Variants in MAGI2 observed in about 807,000 individuals in gnomAD.
MAGI2 encodes membrane associated guanylate kinase, WW and PDZ domain containing 2.
Under a neutral mutation model 133.3 loss-of-function variants are expected in MAGI2, and 35 were observed. The observed-to-expected ratio is 0.26, with a 90% confidence interval of 0.20 to 0.35. The LOEUF (loss-of-function observed/expected upper bound fraction) is 0.35. Ranked by LOEUF, MAGI2 falls within the 10% of genes least tolerant of loss-of-function variation. The pLI is 1.00. For missense variants in MAGI2, 1,636 were observed against 1,863.4 expected, an observed-to-expected ratio of 0.88 and a Z score of 2.25; for synonymous variants, 729 against 710.6, an observed-to-expected ratio of 1.03 and a Z score of -0.41.
intron 1 of MAGI2, among the ~76,000 whole-genome samples, chr7:79,027,102 A>G (rs1176964845): frequency 2.6e-5 from 4 of 152,018 alleles, no homozygotes; most frequent in Admixed American, 2.6e-4. Context: ...TGTTGGCAGA[A>G]ATGTAAATTA....
At chr7:78,732,783 T>A (rs1821492842) in intron 2 of MAGI2, among the ~76,000 whole-genome samples, 1 of 115,864 alleles carries the variant, frequency 8.6e-6, no homozygotes, top group Non-Finnish European at 2.0e-5. Flanking sequence ...GTGATGTTTT[T>A]ATTTGTGGAT....
At chr7:78,048,416 G>C (rs924489677) in intron 21 of MAGI2, among the ~76,000 whole-genome samples, 1 of 152,118 alleles carries the variant, frequency 6.6e-6, no homozygotes, top group African/African-American at 2.4e-5. Flanking sequence ...GTGTCAGTTG[G>C]AGTCACTCTC....
At chr7:79,241,797 A>C (rs1832439037) in intron 1 of MAGI2, among the ~76,000 whole-genome samples, 2 of 152,176 alleles carry the variant, frequency 1.3e-5, no homozygotes, top group East Asian at 3.8e-4. Context: ...TGGTCTTTTG[A>C]GATGTGTTTC....
intron 14 of MAGI2, among the ~76,000 whole-genome samples, chr7:78,174,797 T>C (rs542150089): frequency 4.1e-4 from 62 of 152,298 alleles, no homozygotes; most frequent in Middle Eastern, 3.4e-3. Flanking sequence ...GATATCAGCC[T>C]GGCCTCTGAG....
chr7:79,253,701 T>TTTGGTA (rs1833488527), intron 1 of MAGI2, among the ~76,000 whole-genome samples: 1 of 152,076 alleles, frequency 6.6e-6, no homozygotes, highest in Non-Finnish European at 1.5e-5. Flanking sequence ...ATAGTAAAAA[T>TTTGGTA]GTCAAGTTTG....
intron 2 of MAGI2, among the ~76,000 whole-genome samples, chr7:78,841,271 A>G (rs1792121718): frequency 6.6e-6 from 1 of 152,058 alleles, no homozygotes; most frequent in South Asian, 2.1e-4. Context: ...TAAGTGTTAA[A>G]TTAATCCTTA....
chr7:78,307,109 G>A (rs1798302329), intron 9 of MAGI2, among the ~76,000 whole-genome samples: 2 of 152,112 alleles, frequency 1.3e-5, no homozygotes, highest in African/African-American at 4.8e-5. Context: ...GAAAAGAAGA[G>A]AGCATTGACA....
At chr7:78,077,602 T>TAGATGCTGGTAACAACGCA (rs773180706) in intron 21 of MAGI2, among the ~76,000 whole-genome samples, 1 of 151,384 alleles carries the variant, frequency 6.6e-6, no homozygotes, top group South Asian at 2.1e-4. Context: ...ATTTAAGGTC[T>TAGATGCTGGTAACAACGCA]TTGAGTTTAG....
chr7:79,154,142 T>A (rs1823536932), intron 1 of MAGI2, among the ~76,000 whole-genome samples: 1 of 152,182 alleles, frequency 6.6e-6, no homozygotes, highest in Non-Finnish European at 1.5e-5. Context: ...AATGTTTCTT[T>A]GGCTATCTTT....
Position 78,343,980 on chromosome 7 carries a change from T to A in MAGI2, c.1226-20A>T. On this transcript the variant is annotated intron_variant, in intron 8 of 21. Transcript: ENST00000354212. ...GTTTTTCTACATTGGCCAATATAAG[T>A]TAAAAAAGAAAAAGGCATGTTCAAG... 6.3e-7 allele frequency: 1 copy of A among 1,594,784 alleles called. No individual in the cohort carries two copies. Among genetic ancestry groups the A allele is most frequent in the African/African-American group, 1.4e-5 (1 of 73,402 alleles).
Position 78,217,346 on chromosome 7 carries a change from G to A in MAGI2, c.2048-16153C>T, listed in dbSNP as rs11531581. Among the ~76,000 whole-genome samples the A allele has an allele frequency of 6.1e-3, 926 of 152,212 alleles. 26 individuals are homozygous for A. The highest frequency in any genetic ancestry group is 0.054 in the East Asian group (279 of 5,184). ...AATTTCCTGAGGGCAGGGATCTTACGTGTATGTATTCATTCTCCAGTTCCT... is the reference window on the plus strand; with the variant it reads ...AATTTCCTGAGGGCAGGGATCTTACATGTATGTATTCATTCTCCAGTTCCT... On this transcript the variant is annotated intron_variant, in intron 10 of 21. Coordinates refer to ENST00000354212, the MANE Select transcript of MAGI2 (RefSeq NM_012301.4).
At chr7:78,526,126 G>A (rs1033117375) in intron 3 of MAGI2, among the ~76,000 whole-genome samples, 13 of 152,122 alleles carry the variant, frequency 8.5e-5, no homozygotes, top group South Asian at 2.1e-4. Context: ...ATATCTCTTT[G>A]ACTTAAGAAC....
chr7:78,941,866 A>G (rs1363813859), intron 2 of MAGI2, among the ~76,000 whole-genome samples: 5 of 151,792 alleles, frequency 3.3e-5, no homozygotes, highest in Non-Finnish European at 7.4e-5. Context: ...TCAATGGTCA[A>G]ATTGTCACCT....
chr7:78,726,318 T>C (rs997776531), intron 2 of MAGI2, among the ~76,000 whole-genome samples: 18 of 152,328 alleles, frequency 1.2e-4, no homozygotes, highest in African/African-American at 4.3e-4. Context: ...AGGTTTGGAA[T>C]AGCTTCAAGA....
At chr7:78,522,100 T>C (rs1796557032) in intron 3 of MAGI2, among the ~76,000 whole-genome samples, 1 of 152,158 alleles carries the variant, frequency 6.6e-6, no homozygotes, top group Non-Finnish European at 1.5e-5. Context: ...TTCAAAGGAT[T>C]ATGGCTATTG....
intron 3 of MAGI2, among the ~76,000 whole-genome samples, chr7:78,526,683 A>G (rs912877289): frequency 3.3e-5 from 5 of 152,170 alleles, no homozygotes; most frequent in African/African-American, 1.2e-4. Flanking sequence ...GGCTATGAAA[A>G]TGTGGAACAG....
At chr7:79,031,623 T>C (rs1163076573) in intron 1 of MAGI2, among the ~76,000 whole-genome samples, 2 of 152,320 alleles carry the variant, frequency 1.3e-5, no homozygotes, top group Admixed American at 6.5e-5. Context: ...CAATGACTAA[T>C]TGTTGATATT....
At chr7:79,022,546 T>C (rs747588294) in intron 1 of MAGI2, among the ~76,000 whole-genome samples, 3 of 150,474 alleles carry the variant, frequency 2.0e-5, no homozygotes, top group Middle Eastern at 3.5e-3. Flanking sequence ...ATGAAGGCAA[T>C]TGAGACACAA....
At chr7:78,462,501 T>C (rs888092196) in intron 6 of MAGI2, among the ~76,000 whole-genome samples, 2 of 152,216 alleles carry the variant, frequency 1.3e-5, no homozygotes, top group Non-Finnish European at 2.9e-5. Context: ...CATTTTAATA[T>C]TGAAAATCTA....
Sources: allele counts gnomAD v4.1 joint callset (sites outside exome capture counted in the v4.1 genomes callset), GRCh38; gene constraint gnomAD v4.1.1; transcripts MANE v1.5; gene names NCBI Gene and HGNC (gene_info 2026-07-23, HGNC 2026-07-21).